SRPK2: variants seen among roughly 807,000 people sequenced by gnomAD.
SRPK2 encodes the protein SFRS protein kinase 2.
SRPK2 carries 21 observed loss-of-function variants against 90.8 expected under a neutral mutation model. The ratio of observed to expected loss-of-function variants is 0.23; its 90% CI spans 0.16 to 0.33. The LOEUF is 0.33. Ranked by LOEUF, SRPK2 falls within the 10% of genes least tolerant of loss-of-function variation. The pLI is 1.00. For missense variants in SRPK2, 620 were observed against 869.0 expected, an observed-to-expected ratio of 0.71 and a Z score of 3.60; for synonymous variants, 288 against 311.1, an observed-to-expected ratio of 0.93 and a Z score of 0.78.
intron 11 of SRPK2, among the ~76,000 whole-genome samples, chr7:105,136,872 A>G (rs1477794145): frequency 6.6e-6 from 1 of 152,208 alleles, no homozygotes; most frequent in Non-Finnish European, 1.5e-5. Flanking sequence ...TGTGCTAAGC[A>G]TGGTCTTGGT....
At chr7:105,248,435 T>TAAAA (rs749982663) in intron 2 of SRPK2, among the ~76,000 whole-genome samples, 10 of 109,662 alleles carry the variant, frequency 9.1e-5, no homozygotes, top group East Asian at 4.7e-4. Flanking sequence ...TACAAAAAAT[T>TAAAA]TAAAAAAAAA....
At chr7:105,174,623 C>T (rs1791600671) in intron 3 of SRPK2, among the ~76,000 whole-genome samples, 1 of 152,104 alleles carries the variant, frequency 6.6e-6, no homozygotes, top group Non-Finnish European at 1.5e-5. Flanking sequence ...CATAAAGACA[C>T]ATTCTGTGTC....
At chr7:105,391,674 CA>C (rs552141801), upstream of SRPK2, among the ~76,000 whole-genome samples, 17 of 147,646 alleles carry the variant, frequency 1.2e-4, no homozygotes, top group South Asian at 2.1e-4. Context: ...GACCCCATCT[CA>C]AAAAAAAAAT....
chr7:105,278,343 G>T (rs936169440), intron 2 of SRPK2, among the ~76,000 whole-genome samples: 2 of 148,724 alleles, frequency 1.3e-5, no homozygotes, highest in Admixed American at 1.4e-4. Flanking sequence ...ATAATTATTT[G>T]ATTATTAGAG....
chr7:105,391,885 TCAAA>T (rs752981136), upstream of SRPK2, among the ~76,000 whole-genome samples: 1 of 152,134 alleles, frequency 6.6e-6, no homozygotes, highest in Non-Finnish European at 1.5e-5. Context: ...AAACAGATAC[TCAAA>T]CAAATCTTTG....
In SRPK2 at chr7:105,132,793, T is replaced by C; in HGVS notation, c.1750A>G (p.Met584Val). 6.2e-7 allele frequency: 1 copy of C among 1,606,240 alleles called. No individual in the cohort carries two copies. The highest frequency in any genetic ancestry group is 8.5e-7 in the Non-Finnish European group (1 of 1,175,680). The change falls in exon 13 of 16, where the codon ATG (methionine) becomes GTG (valine). Residue 584 changes from methionine to valine, a missense_variant and splice_region_variant. Around this residue, in one of 8 missense-constraint regions of SRPK2, gnomAD observed 9 missense variants for 16.6 expected, o/e 0.54. Transcript: ENST00000393651. ...GCAAAGGGCACAGCCGTCCTTACCA[T>C]ACACGCCGTGCTCCAGATGTCCGCA... ...TPADIWSTAC[M>V]AFELATGDYL...
At chr7:105,137,404 G>A (rs1803011661) in intron 11 of SRPK2, among the ~76,000 whole-genome samples, 1 of 152,140 alleles carries the variant, frequency 6.6e-6, no homozygotes, top group Non-Finnish European at 1.5e-5. Flanking sequence ...AAGAAGTTAA[G>A]CCTTAAACAG....
intron 2 of SRPK2, among the ~76,000 whole-genome samples, chr7:105,354,780 C>T (rs1256970160): frequency 2.0e-5 from 3 of 152,142 alleles, no homozygotes; most frequent in African/African-American, 7.2e-5. Flanking sequence ...AATTAAAGTG[C>T]ACAACTTAAT....
rs140201996 is a variant in SRPK2, at chr7:105,228,615, AAG to A, written c.72-24832_72-24831del. Among the ~76,000 whole-genome samples the A allele has an allele frequency of 2.8e-3, 425 of 152,286 alleles. 11 individuals are homozygous for A. In the East Asian group the frequency reaches 0.054, roughly 19 times the overall value. On this transcript the variant is annotated intron_variant, in intron 2 of 15. Coordinates refer to ENST00000393651, the MANE Select transcript of SRPK2 (RefSeq NM_182692.3). ...ACCACCGTCCGCAGACAGCGGAACT[AAG>A]AGAGCAGTGTAACACCCTCTCTCAG... is the stretch of plus-strand genomic sequence containing the variant.
intron 6 of SRPK2, among the ~76,000 whole-genome samples, chr7:105,160,989 G>T (rs1328483683): frequency 6.6e-6 from 1 of 152,056 alleles, no homozygotes; most frequent in East Asian, 1.9e-4. Flanking sequence ...GCAGTGGTGT[G>T]ATCTTGGCTC....
chr7:105,372,415 A>C (rs1240922505), intron 2 of SRPK2, among the ~76,000 whole-genome samples: 1 of 152,192 alleles, frequency 6.6e-6, no homozygotes, highest in Non-Finnish European at 1.5e-5. Flanking sequence ...AATTGTCATA[A>C]AATTTAATCT....
At chr7:105,342,386 A>T (rs916412656) in intron 2 of SRPK2, among the ~76,000 whole-genome samples, 1 of 151,324 alleles carries the variant, frequency 6.6e-6, no homozygotes, top group Admixed American at 6.6e-5. Flanking sequence ...ATAAATGGGA[A>T]ATGTGATTTT....
chr7:105,249,735 G>A (rs989169534), intron 2 of SRPK2, among the ~76,000 whole-genome samples: 5 of 151,954 alleles, frequency 3.3e-5, no homozygotes, highest in Middle Eastern at 3.2e-3. Flanking sequence ...TCCTATATAT[G>A]TCTGGTCAAA....
intron 2 of SRPK2, among the ~76,000 whole-genome samples, chr7:105,348,576 A>G (rs1449058443): frequency 1.3e-5 from 2 of 151,724 alleles, no homozygotes; most frequent in African/African-American, 4.8e-5. Context: ...GGCACCCGCC[A>G]TCATGCCGGA....
chr7:105,296,966 T>C (rs1013744193), intron 2 of SRPK2, among the ~76,000 whole-genome samples: 5 of 152,190 alleles, frequency 3.3e-5, no homozygotes, highest in African/African-American at 1.2e-4. Context: ...CAACTATACA[T>C]ACTGCCTCTC....
At chr7:105,272,780 C>T (rs1464517856) in intron 2 of SRPK2, among the ~76,000 whole-genome samples, 1 of 152,076 alleles carries the variant, frequency 6.6e-6, no homozygotes, top group South Asian at 2.1e-4. Flanking sequence ...GGCTTGAATG[C>T]GATGTCTAAA....
intron 2 of SRPK2, among the ~76,000 whole-genome samples, chr7:105,293,269 C>A (rs1415987498): frequency 6.6e-6 from 1 of 151,046 alleles, no homozygotes; most frequent in East Asian, 1.9e-4. Context: ...AGTGAAACTC[C>A]ATCTCAAAAA....
At chr7:105,233,936 G>C (rs1489284734) in intron 2 of SRPK2, among the ~76,000 whole-genome samples, 1 of 151,726 alleles carries the variant, frequency 6.6e-6, no homozygotes, top group Non-Finnish European at 1.5e-5. Context: ...ACAATATTTG[G>C]GTCAATTCTT....
At chr7:105,139,989 T>C (rs1366639657) in intron 11 of SRPK2, among the ~76,000 whole-genome samples, 1 of 152,118 alleles carries the variant, frequency 6.6e-6, no homozygotes, top group Non-Finnish European at 1.5e-5. Flanking sequence ...TAAAACGGTG[T>C]AGTGTTTGCA....
Sources: gnomAD v4.1 joint callset for allele counts (sites outside exome capture counted in the v4.1 genomes callset) on GRCh38, gnomAD v4.1.1 for gene constraint, gnomAD v4.1.1 regional missense constraint, MANE v1.5 for transcripts, NCBI Gene and HGNC (gene_info 2026-07-23, HGNC 2026-07-21) for gene names.